The following CPA6 variants were observed in gnomAD, a reference collection of about 807,000 sequenced individuals.
CPA6 encodes carboxypeptidase B.
CPA6 carries 58 observed loss-of-function variants against 63.3 expected under a neutral mutation model. That is an observed-to-expected ratio of 0.92 (90% CI 0.74 to 1.14). CPA6 has a LOEUF of 1.14. Ranked by LOEUF, CPA6 falls within the 50% of genes most tolerant of loss-of-function variation. CPA6 has a pLI of 0.00. For missense variants in CPA6, 565 were observed against 526.6 expected (o/e 1.07, Z -0.71); for synonymous variants, 185 against 179.0 (o/e 1.03, Z -0.27).
intron 1 of CPA6, among the ~76,000 whole-genome samples, chr8:67,710,542 T>C (rs1817238437): frequency 6.6e-6 from 1 of 152,072 alleles, no homozygotes; most frequent in Non-Finnish European, 1.5e-5. Context: ...AGAGTCAGGT[T>C]GGAATTTGCA....
At chr8:67,562,429 G>A (rs55818646) in intron 2 of CPA6, among the ~76,000 whole-genome samples, 62 of 152,266 alleles carry the variant, frequency 4.1e-4, no homozygotes, top group Non-Finnish European at 7.9e-4. Context: ...GTATTTGGTG[G>A]TTGAAAGCGC....
intron 1 of CPA6, among the ~76,000 whole-genome samples, chr8:67,714,684 A>C (rs1817341680): frequency 6.6e-6 from 1 of 152,112 alleles, no homozygotes; most frequent in South Asian, 2.1e-4. Flanking sequence ...TAAATAGATA[A>C]ATAAAGCTCA....
At chr8:67,477,301 A>AG (rs1340068957) in intron 8 of CPA6, among the ~76,000 whole-genome samples, 1 of 151,250 alleles carries the variant, frequency 6.6e-6, no homozygotes, top group East Asian at 1.9e-4. Context: ...AAAAAAAAAA[A>AG]AAAAAAAAGG....
intron 1 of CPA6, among the ~76,000 whole-genome samples, chr8:67,654,170 C>CCTCATATTGGTCTA (rs1815924990): frequency 6.6e-6 from 1 of 152,104 alleles, no homozygotes; most frequent in Admixed American, 6.6e-5. Context: ...ATTTTTGCAT[C>CCTCATATTGGTCTA]AATGTTCATC....
At chr8:67,737,130 T>G (rs1817827603) in intron 1 of CPA6, among the ~76,000 whole-genome samples, 1 of 152,214 alleles carries the variant, frequency 6.6e-6, no homozygotes, top group Admixed American at 6.5e-5. Flanking sequence ...ATGAGCATGC[T>G]GTTGCCTTTG....
chr8:67,589,576 A>T (rs1214396923), intron 2 of CPA6, among the ~76,000 whole-genome samples: 1 of 152,192 alleles, frequency 6.6e-6, no homozygotes, highest in Non-Finnish European at 1.5e-5. Flanking sequence ...TTCAGAAGTT[A>T]TAGGGGTCTT....
intron 1 of CPA6, among the ~76,000 whole-genome samples, chr8:67,652,282 C>G (rs1287746118): frequency 3.7e-4 from 56 of 152,230 alleles, no homozygotes; most frequent in Non-Finnish European, 6.5e-4. Flanking sequence ...TGGGTCAAAT[C>G]ATATTTCTAG....
intron 1 of CPA6, among the ~76,000 whole-genome samples, chr8:67,713,636 G>A (rs1587722559): frequency 2.6e-5 from 4 of 152,228 alleles, no homozygotes; most frequent in Admixed American, 2.6e-4. Flanking sequence ...TAGTTTATAG[G>A]CGGCCTGGGA....
chr8:67,582,276 T>G (rs569027976), intron 2 of CPA6, among the ~76,000 whole-genome samples: 1 of 152,222 alleles, frequency 6.6e-6, no homozygotes, highest in South Asian at 2.1e-4. Context: ...GCTGATAGAT[T>G]TGTAATTATT....
At chr8:67,470,761 A>G (rs539942922) in intron 8 of CPA6, among the ~76,000 whole-genome samples, 10 of 152,174 alleles carry the variant, frequency 6.6e-5, no homozygotes, top group Non-Finnish European at 1.3e-4. Context: ...AATTCTTCAC[A>G]TAATAAAGGT....
At chr8:67,653,997 A>T (rs55667723) in intron 1 of CPA6, among the ~76,000 whole-genome samples, 10,083 of 151,856 alleles carry the variant, frequency 0.066, 359 homozygotes, top group South Asian at 0.11. Context: ...CTATTGAGAT[A>T]ATCATGTGGT....
At chr8:67,698,713 G>T (rs1816958824) in intron 1 of CPA6, among the ~76,000 whole-genome samples, 1 of 152,166 alleles carries the variant, frequency 6.6e-6, no homozygotes, top group Non-Finnish European at 1.5e-5. Flanking sequence ...CCTTGAGACA[G>T]TTATGTATTT....
At chr8:67,573,891 CAAAAAAAAAAA>C (rs34145304) in intron 2 of CPA6, among the ~76,000 whole-genome samples, 7 of 33,494 alleles carry the variant, frequency 2.1e-4, no homozygotes, top group South Asian at 1.4e-3. Flanking sequence ...GACTCCGTCT[CAAAAAAAAAAA>C]AAAAAAAAAA....
intron 1 of CPA6, among the ~76,000 whole-genome samples, chr8:67,722,218 G>T (rs773704424): frequency 2.0e-5 from 3 of 152,078 alleles, no homozygotes; most frequent in Non-Finnish European, 4.4e-5. Flanking sequence ...GCCTATATTT[G>T]ACCTTCGGCA....
chr8:67,695,833 G>C (rs969459888), intron 1 of CPA6, among the ~76,000 whole-genome samples: 2 of 152,182 alleles, frequency 1.3e-5, no homozygotes, highest in African/African-American at 4.8e-5. Flanking sequence ...CAGGAATCAA[G>C]GGGTACAGAT....
chr8:67,479,785 T>C (rs1348943215), intron 8 of CPA6, among the ~76,000 whole-genome samples: 1 of 152,180 alleles, frequency 6.6e-6, no homozygotes, highest in African/African-American at 2.4e-5. Context: ...GGTCCTCAGC[T>C]AGTATAGCTC....
chr8:67,455,047 CA>C (rs1212692882), intron 8 of CPA6, among the ~76,000 whole-genome samples: 2 of 151,738 alleles, frequency 1.3e-5, no homozygotes, highest in Non-Finnish European at 2.9e-5. Flanking sequence ...GGAGGGAGCT[CA>C]AAAAAATACG....
chr8:67,615,516 TA>T (rs11333162), intron 2 of CPA6, among the ~76,000 whole-genome samples: 35,561 of 151,640 alleles, frequency 0.23, 4,842 homozygotes, highest in East Asian at 0.38. Context: ...GTGACCTACA[TA>T]AAAAAAAGGA....
At position 67,511,628 on chromosome 8, in the gene CPA6, T is replaced by C. The variant is rs1038563125; in HGVS notation, c.345A>G (p.Thr115=). The change falls in exon 4 of 11, where the codon ACA becomes ACG. Residue 115 remains threonine, a synonymous_variant. Coordinates refer to ENST00000297770, the MANE Select transcript of CPA6 (RefSeq NM_020361.5). Reference sequence around the variant, plus strand: ...TGTGCAAGCTGCTTCCCTTCTCCAGTGTTTTCTGAAGATCTTCTATGAGGA... The same window carrying C: ...TGTGCAAGCTGCTTCCCTTCTCCAGCGTTTTCTGAAGATCTTCTATGAGGA... ...YKVLIEDLQK[T]LEKGSSLHTQ... The C allele has an allele frequency of 1.9e-6, 3 of 1,610,742 alleles. No individual in the cohort carries two copies. The highest frequency in any genetic ancestry group is 2.5e-6 in the Non-Finnish European group (3 of 1,177,004).
Sources: allele counts gnomAD v4.1 joint callset (sites outside exome capture counted in the v4.1 genomes callset), GRCh38; gene constraint gnomAD v4.1.1; transcripts MANE v1.5; gene names NCBI Gene and HGNC (gene_info 2026-07-23, HGNC 2026-07-21).